The following SIPA1L1 variants were observed in gnomAD, a reference collection of about 807,000 sequenced individuals.
The protein encoded by SIPA1L1 is signal-induced proliferation-associated 1-like protein 1.
Under a neutral mutation model 162.7 loss-of-function variants are expected in SIPA1L1, and 26 were observed. The observed-to-expected ratio is 0.16, with a 90% confidence interval of 0.12 to 0.22. The LOEUF is 0.22. Among genes scored for constraint, SIPA1L1 ranks in the 10% least tolerant of loss-of-function variants. The probability of loss-of-function intolerance (pLI) is 1.00; values close to 1 mark genes in which losing one functional copy is unlikely to be tolerated. For synonymous variants in SIPA1L1, 829 were observed against 837.4 expected (o/e 0.99, Z 0.17); for missense variants, 1,874 against 2,241.0 (o/e 0.84, Z 3.31).
At chr14:71,618,276 G>T (rs546898881) in intron 5 of SIPA1L1, among the ~76,000 whole-genome samples, 28 of 152,212 alleles carry the variant, frequency 1.8e-4, no homozygotes, top group Non-Finnish European at 3.8e-4. Flanking sequence ...GCAGAGTGCT[G>T]CCCAGAGACT....
chr14:71,417,331 C>T (rs1031876432), intron 2 of SIPA1L1, among the ~76,000 whole-genome samples: 11 of 150,392 alleles, frequency 7.3e-5, no homozygotes, highest in Non-Finnish European at 1.5e-4. Context: ...ATTAGCCGGG[C>T]GAGGTGGCGG....
chr14:71,387,473 A>G (rs181109126), intron 2 of SIPA1L1, among the ~76,000 whole-genome samples: 27 of 152,210 alleles, frequency 1.8e-4, no homozygotes, highest in Admixed American at 4.6e-4. Flanking sequence ...ATAGTTAGCT[A>G]AAGGTCACAT....
intron 2 of SIPA1L1, among the ~76,000 whole-genome samples, chr14:71,472,248 G>A (rs754687694): frequency 1.8e-4 from 28 of 151,940 alleles, no homozygotes; most frequent in Non-Finnish European, 2.8e-4. Context: ...TGGTCAGTAG[G>A]ACTTGTTGTA....
In SIPA1L1 at chr14:71,596,976, A is replaced by AT. The variant is rs139652173; in HGVS notation, c.1498+7614dup. Among the ~76,000 whole-genome samples the AT allele has an allele frequency of 5.9e-3, 897 of 151,426 alleles. 37 individuals are homozygous for AT. In the East Asian group the frequency reaches 0.11, roughly 18 times the overall value. The stretch of plus-strand genomic sequence containing the variant: ...TATTTTTAATCCCCCAATAACTCAT[A>AT]TTTTTTTTGTTTTTAGACAGGGTCT... On this transcript the variant is annotated intron_variant, in intron 5 of 23. Coordinates refer to ENST00000381232, the MANE Select transcript of SIPA1L1 (RefSeq NM_001386936.1).
rs1567179754 is a variant in SIPA1L1 at position 71,544,020 on chromosome 14, TACGCACATGTATGTATATACACACGC to T, written c.-303+14705_-303+14730del. 8.3e-3 allele frequency among the ~76,000 whole-genome samples: 1,199 copies of T among 144,958 alleles called. 41 individuals carry two copies. Among genetic ancestry groups the T allele is most frequent in the Admixed American group, 0.045 (654 of 14,416 alleles). On this transcript the variant is annotated intron_variant, in intron 4 of 23. Coordinates refer to ENST00000381232, the MANE Select transcript of SIPA1L1 (RefSeq NM_001386936.1). Reference sequence around the variant, plus strand: ...ACACACGCACATGTATATATACACATACGCACATGTATGTATATACACACGCACGCACATGTATGTATATACACACG... The same window carrying T: ...ACACACGCACATGTATATATACACATACGCACATGTATGTATATACACACG...
At chr14:71,717,061 G>A (rs975965282) in intron 17 of SIPA1L1, among the ~76,000 whole-genome samples, 4 of 152,098 alleles carry the variant, frequency 2.6e-5, no homozygotes, top group African/African-American at 7.2e-5. Context: ...CTTCACGCCC[G>A]GCTAATTTCT....
chr14:71,710,619 C>G (rs2082798631), intron 17 of SIPA1L1, among the ~76,000 whole-genome samples: 1 of 151,962 alleles, frequency 6.6e-6, no homozygotes, highest in Admixed American at 6.5e-5. Context: ...ACCAGCTTGG[C>G]CAACATGGTG....
intron 4 of SIPA1L1, chr14:71,573,811 C>G (rs1397434001): frequency 9.4e-6 from 4 of 425,288 alleles, no homozygotes; most frequent in Non-Finnish European, 1.9e-5. Flanking sequence ...TATTCCAGTA[C>G]TTTTTCCTAA....
At chr14:71,684,247 A>G (rs1022217950) in intron 12 of SIPA1L1, among the ~76,000 whole-genome samples, 7 of 152,230 alleles carry the variant, frequency 4.6e-5, no homozygotes, top group Admixed American at 1.3e-4. Flanking sequence ...GTGGGGGAGA[A>G]GATGCATTAT....
intron 2 of SIPA1L1, among the ~76,000 whole-genome samples, chr14:71,349,795 T>C (rs1220604712): frequency 1.3e-5 from 2 of 152,218 alleles, no homozygotes; most frequent in Non-Finnish European, 2.9e-5. Context: ...TTGTAGCTAG[T>C]ATCCTTAGTG....
At chr14:71,511,826 G>T (rs1218483805) in intron 2 of SIPA1L1, among the ~76,000 whole-genome samples, 1 of 152,198 alleles carries the variant, frequency 6.6e-6, no homozygotes, top group East Asian at 1.9e-4. Context: ...GGAAAGATGG[G>T]CCGGAGGTTT....
intron 2 of SIPA1L1, chr14:71,330,699 A>C: frequency 1.1e-6 from 1 of 879,280 alleles, no homozygotes; most frequent in Non-Finnish European, 2.0e-6. Context: ...ATCCTGGAGG[A>C]TTCTCATAGG....
At position 71,627,176 on chromosome 14, in the gene SIPA1L1, A is replaced by T. The variant is rs1392728420; in HGVS notation, c.1818+2940A>T. Among the ~76,000 whole-genome samples the T allele has an allele frequency of 4.3e-4, 14 of 32,696 alleles. 1 individual carries two copies. The highest frequency in any genetic ancestry group is 6.6e-4 in the African/African-American group (6 of 9,056). The allele number at this position is 32,696 out of a possible 152,430, so 21.4% of individuals were successfully genotyped here. The stretch of plus-strand genomic sequence containing the variant: ...TTTTTTTTTTTTTTTTTTTTTTTTG[A>T]GACAGGGTCTCTGTTTCTGTTACCC... On this transcript the variant is annotated intron_variant, in intron 7 of 23. Transcript: ENST00000381232.
intron 2 of SIPA1L1, among the ~76,000 whole-genome samples, chr14:71,495,007 C>G (rs2143016238): frequency 6.6e-6 from 1 of 152,314 alleles, no homozygotes; most frequent in Middle Eastern, 3.4e-3. Flanking sequence ...GCTGGAATTA[C>G]AGGTGGGAGC....
chr14:71,513,024 C>G (rs886143650), intron 3 of SIPA1L1, among the ~76,000 whole-genome samples, 179 bp downstream of exon 3: 5 of 152,162 alleles, frequency 3.3e-5, no homozygotes, highest in African/African-American at 1.2e-4. Flanking sequence ...CCAATGTATA[C>G]CTCACATATA....
chr14:71,356,376 A>T (rs1046157168), intron 2 of SIPA1L1, among the ~76,000 whole-genome samples: 1 of 151,568 alleles, frequency 6.6e-6, no homozygotes, highest in African/African-American at 2.4e-5. Context: ...TATAAGCAGT[A>T]TAATAGTAAT....
intron 2 of SIPA1L1, among the ~76,000 whole-genome samples, chr14:71,382,990 G>A (rs752658187): frequency 2.6e-5 from 4 of 152,146 alleles, no homozygotes; most frequent in Non-Finnish European, 5.9e-5. Flanking sequence ...AAGGCTTCAT[G>A]TGGGAGGTAG....
chr14:71,446,892 C>CT (rs2045390917), intron 2 of SIPA1L1, among the ~76,000 whole-genome samples: 5 of 99,572 alleles, frequency 5.0e-5, no homozygotes, highest in Admixed American at 1.3e-4. Flanking sequence ...GAGATGGGCT[C>CT]TGTTTTTTTT....
At chr14:71,683,879 G>A (rs2149538869) in intron 12 of SIPA1L1, among the ~76,000 whole-genome samples, 1 of 152,308 alleles carries the variant, frequency 6.6e-6, no homozygotes, top group South Asian at 2.1e-4. Context: ...TGGATGAAGT[G>A]TATTCAGAAT....
Sources: allele counts gnomAD v4.1 joint callset (sites outside exome capture counted in the v4.1 genomes callset), GRCh38; gene constraint gnomAD v4.1.1; transcripts MANE v1.5; gene names NCBI Gene and HGNC (gene_info 2026-07-23, HGNC 2026-07-21).